Variants in SUMF2 observed in about 807,000 individuals in gnomAD.
SUMF2 encodes the protein sulfatase modifying factor 2.
In SUMF2, 45 loss-of-function variants were observed where a neutral mutation model predicts 44.8. The ratio of observed to expected loss-of-function variants is 1.00; its 90% CI spans 0.79 to 1.29. SUMF2 has a LOEUF of 1.29. Ranked by LOEUF, SUMF2 falls within the 50% of genes most tolerant of loss-of-function variation. The probability of loss-of-function intolerance (pLI) is 0.00; values close to 1 mark genes in which losing one functional copy is unlikely to be tolerated. For missense variants in SUMF2, 418 were observed against 389.9 expected (o/e 1.07, Z -0.61); for synonymous variants, 148 against 150.4 (o/e 0.98, Z 0.12).
rs1486098616 is a variant in SUMF2 at position 56,078,419 on chromosome 7, T to C, written c.732T>C (p.Ala244=). Residue 244 remains alanine (A), a synonymous_variant, in exon 8 of 9, where the codon GCT becomes GCC. Coordinates refer to ENST00000434526, the MANE Select transcript of SUMF2 (RefSeq NM_015411.4). ...VWEWTASPYQ[A]AEQDMRVLRG... ...AGTGGACAGCATCACCGTACCAGGC[T>C]GCTGAGCAGGACATGCGCGTCCTCC... The C allele has an allele frequency of 6.2e-7, 1 of 1,612,176 alleles. No individual in the cohort carries two copies. The highest frequency in any genetic ancestry group is 8.5e-7 in the Non-Finnish European group (1 of 1,178,976).
At position 56,076,449 on chromosome 7, in the gene SUMF2, C is replaced by T. The variant is rs893072456; in HGVS notation, c.536-385C>T. ...TGCTGGGATTACAAGTGTGAGCCAC[C>T]GCGACCAGCCAGTGATCGAAGTTTT... On this transcript the variant is annotated intron_variant, in intron 5 of 8. Transcript: ENST00000434526. 22 of 162,520 alleles carry T rather than the reference C, an allele frequency of 1.4e-4. No individual in the cohort carries two copies. In the East Asian group the frequency reaches 1.5e-3, roughly 11 times the overall value. 10.1% of individuals were successfully genotyped at this position (162,520 alleles called of 1,614,324 possible).
chr7:56,083,597 G>A (rs1366950759), downstream of SUMF2: 5 of 1,521,160 alleles, frequency 3.3e-6, no homozygotes, highest in African/African-American at 5.5e-5. Context: ...CCCAGTGCCT[G>A]TGGCCCTAAG....
At chr7:56,078,311 G>C (rs3735066) in intron 7 of SUMF2, 53 bp from the exon 8 acceptor site, 76 of 1,559,634 alleles carry the variant, frequency 4.9e-5, no homozygotes, top group Non-Finnish European at 6.3e-5. Flanking sequence ...TCAGAGGGTA[G>C]GCGGGGTGGT....
At chr7:56,083,613 T>A, downstream of SUMF2, 1 of 1,553,420 alleles carries the variant, frequency 6.4e-7, no homozygotes. Context: ...CTAAGCCACG[T>A]GGGAGGGAGC....
intron 2 of SUMF2, among the ~76,000 whole-genome samples, chr7:56,072,024 C>A (rs1171135110): frequency 2.7e-5 from 4 of 150,752 alleles, no homozygotes; most frequent in Non-Finnish European, 5.9e-5. Flanking sequence ...AAGAGAATCG[C>A]TTGAACCCAG....
At chr7:56,080,718 C>G, downstream of SUMF2, 1 of 344,656 alleles carries the variant, frequency 2.9e-6, no homozygotes, top group Non-Finnish European at 5.5e-6. Flanking sequence ...GGGAAGAAAG[C>G]CTGAGTGTCA....
At chr7:56,084,369 GAT>G, downstream of SUMF2, 1 of 473,432 alleles carries the variant, frequency 2.1e-6, no homozygotes, top group Non-Finnish European at 3.7e-6. Flanking sequence ...TGAGTATCCC[GAT>G]TTTTTTTTTT....
intron 1 of SUMF2, among the ~76,000 whole-genome samples, chr7:56,064,696 C>T (rs990048744): frequency 2.1e-5 from 3 of 144,850 alleles, no homozygotes; most frequent in Admixed American, 7.0e-5. Context: ...CAACGTGAAA[C>T]CCTGTCTCTA....
chr7:56,068,863 C>T (rs560210830), intron 2 of SUMF2, among the ~76,000 whole-genome samples: 13 of 151,806 alleles, frequency 8.6e-5, no homozygotes, highest in Admixed American at 2.0e-4. Flanking sequence ...CCACCACGCC[C>T]GGCTAATTTT....
At chr7:56,083,233 T>G (rs1340981730), downstream of SUMF2, 1 of 1,588,586 alleles carries the variant, frequency 6.3e-7, no homozygotes, top group Non-Finnish European at 8.6e-7. Flanking sequence ...GATGGTTGAT[T>G]GAGCACCCGA....
In SUMF2 at chr7:56,074,650, A is replaced by G; in HGVS notation, c.449A>G (p.Asn150Ser). ...LEHPVLHVSWNDARAYCAWRG... is the reference protein window; with the variant it reads ...LEHPVLHVSWSDARAYCAWRG... The stretch of plus-strand genomic sequence containing the variant: ...CACCCAGTGTTACACGTGAGCTGGA[A>G]TGACGCCCGTGCCTACTGTGCTTGG... Residue 150 changes from asparagine (N) to serine (S), a missense_variant, in exon 5 of 9, where the codon AAT becomes AGT. By Grantham distance (46) the Asn-to-Ser change is conservative. Transcript: ENST00000434526. The G allele has an allele frequency of 6.2e-7, 1 of 1,614,188 alleles. No homozygotes were observed. The highest frequency in any genetic ancestry group is 8.5e-7 in the Non-Finnish European group (1 of 1,180,028).
At chr7:56,074,262 T>A in intron 4 of SUMF2, 44 bp downstream of exon 4, 1 of 1,586,802 alleles carries the variant, frequency 6.3e-7, no homozygotes, top group East Asian at 2.2e-5. Context: ...CCTGCTTGAC[T>A]CTTATTCTCC....
Position 56,078,430 on chromosome 7 carries a change from A to C in SUMF2, c.743A>C (p.Asp248Ala). ...TCACCGTACCAGGCTGCTGAGCAGGACATGCGCGTCCTCCGGGGGGCATCC... is the reference window on the plus strand; with the variant it reads ...TCACCGTACCAGGCTGCTGAGCAGGCCATGCGCGTCCTCCGGGGGGCATCC... The part of the protein sequence containing the change: ...TASPYQAAEQ[D>A]MRVLRGASWI... The change falls in exon 8 of 9, where the codon GAC (aspartate) becomes GCC (alanine). Residue 248 changes from aspartate (D) to alanine (A), a missense_variant. By Grantham distance (126) the Asp-to-Ala change is moderately radical (BLOSUM62 -2). Transcript: ENST00000434526. 1.9e-6 allele frequency: 3 copies of C among 1,611,486 alleles called. No homozygotes were observed. The highest frequency in any genetic ancestry group is 2.5e-6 in the Non-Finnish European group (3 of 1,178,586).
chr7:56,086,144 G>A, the SUMF2 span, among the ~76,000 whole-genome samples: 9 of 151,390 alleles, frequency 5.9e-5, no homozygotes, highest in South Asian at 2.1e-4. Flanking sequence ...CTGACCACTC[G>A]GTCTAAGGAA....
At chr7:56,076,718 C>CT (rs1423337462) in intron 5 of SUMF2, 116 bp from the exon 6 acceptor site, 2 of 982,126 alleles carry the variant, frequency 2.0e-6, no homozygotes, top group African/African-American at 1.7e-5. Flanking sequence ...GTCATTCACT[C>CT]TTTTTTCTCA....
downstream of SUMF2, chr7:56,081,989 G>A: frequency 6.2e-7 from 1 of 1,613,930 alleles, no homozygotes; most frequent in East Asian, 2.2e-5. The surrounding 1 kb of genome is among the most constrained non-coding windows in gnomAD (Gnocchi z 4.6). Flanking sequence ...TCTGCTTCCG[G>A]TGCCAGAAGG....
At chr7:56,066,035 C>T (rs1158206326) in intron 1 of SUMF2, among the ~76,000 whole-genome samples, 2 of 129,850 alleles carry the variant, frequency 1.5e-5, no homozygotes, top group East Asian at 2.3e-4. Context: ...TTTCCGAGAT[C>T]GGGCCACTGC....
intron 8 of SUMF2, chr7:56,079,158 G>C: frequency 2.0e-6 from 1 of 494,516 alleles, no homozygotes; most frequent in South Asian, 4.0e-5. Context: ...ACAGGTGTGA[G>C]CCACTGCACC....
downstream of SUMF2, chr7:56,084,277 C>T (rs1200262756): frequency 1.3e-5 from 17 of 1,294,004 alleles, no homozygotes; most frequent in Middle Eastern, 1.8e-4. Context: ...TGGGATGTAT[C>T]GGGGCCTAAA....
Sources: gnomAD v4.1 joint callset for allele counts (sites outside exome capture counted in the v4.1 genomes callset) on GRCh38, gnomAD v4.1.1 for gene constraint, Gnocchi (gnomAD v3.1) non-coding constraint, MANE v1.5 for transcripts, NCBI Gene and HGNC (gene_info 2026-07-23, HGNC 2026-07-21) for gene names.